Variants in TECR observed in about 807,000 individuals in gnomAD.
TECR encodes trans-2,3-enoyl-CoA reductase, also known as very-long-chain enoyl-CoA reductase.
In TECR, 19 loss-of-function variants were observed where a neutral mutation model predicts 50.6. The observed-to-expected ratio is 0.38, with a 90% CI of 0.26 to 0.55. The LOEUF (loss-of-function observed/expected upper bound fraction) is 0.55, where lower values mean the gene tolerates loss of function less well. TECR is among the 20% of genes least tolerant of loss of function. The pLI, the probability that TECR is intolerant of heterozygous loss-of-function variation, is 0.79. For missense variants in TECR, 313 were observed against 408.3 expected (o/e 0.77, Z 2.01); for synonymous variants, 168 against 163.5 (o/e 1.03, Z -0.21).
chr19:14,549,976 T>A (rs1306018845), intron 1 of TECR, among the ~76,000 whole-genome samples: 1 of 151,870 alleles, frequency 6.6e-6, no homozygotes, highest in Non-Finnish European at 1.5e-5. Flanking sequence ...ACTATACACC[T>A]GCCCCCTTCA....
intron 1 of TECR, among the ~76,000 whole-genome samples, chr19:14,560,640 C>A (rs1031775995): frequency 3.9e-5 from 6 of 152,222 alleles, no homozygotes; most frequent in African/African-American, 1.4e-4. Context: ...CAGTAACCTT[C>A]CCCTAGAGGC....
At chr19:14,536,476 G>A (rs535821492) in intron 1 of TECR, among the ~76,000 whole-genome samples, 1 of 152,138 alleles carries the variant, frequency 6.6e-6, no homozygotes, top group Admixed American at 6.5e-5. Context: ...CACCATATTG[G>A]CCAGGCTGGT....
chr19:14,556,811 A>G (rs2073742770), intron 1 of TECR, among the ~76,000 whole-genome samples: 1 of 152,046 alleles, frequency 6.6e-6, no homozygotes, highest in Non-Finnish European at 1.5e-5. Flanking sequence ...GGCGGGAGTA[A>G]GTCTGTGCGG....
intron 7 of TECR, 62 bp from the exon 8 acceptor site, chr19:14,564,724 T>G (rs2074021451): frequency 3.2e-5 from 45 of 1,410,460 alleles, no homozygotes; most frequent in Non-Finnish European, 4.2e-5. Context: ...GGATGAGACA[T>G]GGGCAGCATC....
chr19:14,531,765 G>A (rs1050334931), intron 1 of TECR: 1 of 152,082 alleles, frequency 6.6e-6, no homozygotes, highest in Non-Finnish European at 1.5e-5. Flanking sequence ...TTTTGACATG[G>A]TATCAAGAAT....
intron 1 of TECR, among the ~76,000 whole-genome samples, chr19:14,535,463 C>A (rs1179293289): frequency 8.1e-6 from 1 of 122,748 alleles, no homozygotes; most frequent in Non-Finnish European, 1.6e-5. Context: ...GCCGAGATCG[C>A]GCCACTGCAC....
intron 1 of TECR, among the ~76,000 whole-genome samples, chr19:14,560,118 G>A (rs2073859794): frequency 6.6e-6 from 1 of 152,250 alleles, no homozygotes; most frequent in East Asian, 1.9e-4. Context: ...CCCCTCTCTC[G>A]CTACCCCCTC....
Position 14,563,565 on chromosome 19 carries a change from C to G in TECR, c.119-93C>G. 15 of 1,567,498 alleles carry G rather than the reference C, an allele frequency of 9.6e-6. No individual in the cohort carries two copies. Among genetic ancestry groups the G allele is most frequent in the Non-Finnish European group, 1.3e-5 (15 of 1,145,576 alleles). On this transcript the variant is annotated intron_variant, in intron 3 of 12. Transcript: ENST00000215567. The surrounding 1 kb of genome is among the most constrained non-coding windows in gnomAD (Gnocchi z 5.3). ...TGTGGAGTCCTGGGGTCCTTGCACC[C>G]TGGGAACCCTGAGAAGCTGGCACAG...
At chr19:14,548,576 C>T (rs1032383078) in intron 1 of TECR, among the ~76,000 whole-genome samples, 4 of 152,120 alleles carry the variant, frequency 2.6e-5, no homozygotes, top group East Asian at 1.9e-4. Flanking sequence ...TCATCTCTGT[C>T]GTCTCTTTTT....
chr19:14,546,294 ACTC>A (rs1488626192), intron 1 of TECR, among the ~76,000 whole-genome samples: 1 of 150,620 alleles, frequency 6.6e-6, no homozygotes, highest in Non-Finnish European at 1.5e-5. Flanking sequence ...CTCTGAGAAA[ACTC>A]CACCCTAGGC....
intron 1 of TECR, among the ~76,000 whole-genome samples, chr19:14,559,527 C>T (rs1014497829): frequency 6.6e-5 from 10 of 150,588 alleles, no homozygotes; most frequent in Admixed American, 3.9e-4. Context: ...GTGGCTCACG[C>T]CTATAATCCT....
chr19:14,542,105 C>T (rs1170392614), intron 1 of TECR, among the ~76,000 whole-genome samples: 19 of 151,928 alleles, frequency 1.3e-4, no homozygotes. Flanking sequence ...ATGAAAGTCC[C>T]TTTTCTGTTT....
At chr19:14,557,881 G>A (rs377093916) in intron 1 of TECR, among the ~76,000 whole-genome samples, 4 of 151,860 alleles carry the variant, frequency 2.6e-5, no homozygotes, top group Non-Finnish European at 5.9e-5. Context: ...TCAGCCTCCC[G>A]AGTAGCTGGG....
chr19:14,551,470 G>C (rs2073502308), intron 1 of TECR, among the ~76,000 whole-genome samples: 1 of 152,138 alleles, frequency 6.6e-6, no homozygotes. Flanking sequence ...AGATGGTCTT[G>C]CAGGCACACC....
rs371768207 is a variant in TECR at position 14,539,004 on chromosome 19, C to T, written c.15+9293C>T. 1.5e-3 allele frequency among the ~76,000 whole-genome samples: 214 copies of T among 144,976 alleles called. 4 individuals are homozygous for T. In the South Asian group the frequency reaches 0.031, roughly 21 times the overall value. On this transcript the variant is annotated intron_variant, in intron 1 of 12. Transcript: ENST00000215567. The stretch of plus-strand genomic sequence containing the variant: ...TTTTTTTTTTTTTGAGACAGAGTCT[C>T]GCTCCGTCACCCAGGCTGGAGTTCA...
At chr19:14,545,979 G>C (rs1310687652) in intron 1 of TECR, 1 of 152,188 alleles carries the variant, frequency 6.6e-6, no homozygotes, top group Non-Finnish European at 1.5e-5. Context: ...AGAGCCCCCA[G>C]GACATGGCTG....
intron 1 of TECR, among the ~76,000 whole-genome samples, chr19:14,545,572 C>T (rs769711568): frequency 2.6e-5 from 4 of 152,202 alleles, no homozygotes; most frequent in Non-Finnish European, 4.4e-5. Context: ...GATCGCTGCC[C>T]GCACGCTCTT....
intron 1 of TECR, among the ~76,000 whole-genome samples, chr19:14,543,438 T>A (rs1334640301): frequency 0.098 from 4,569 of 46,510 alleles, 368 homozygotes; most frequent in Non-Finnish European, 0.17. Flanking sequence ...TTTTTTTTTT[T>A]TTTTTTTTTT....
Sources: allele counts gnomAD v4.1 joint callset (sites outside exome capture counted in the v4.1 genomes callset), GRCh38; gene constraint gnomAD v4.1.1; non-coding constraint Gnocchi (gnomAD v3.1); transcripts MANE v1.5; gene names NCBI Gene and HGNC (gene_info 2026-07-23, HGNC 2026-07-21).